The following SGCD variants were observed in gnomAD, a reference collection of about 807,000 sequenced individuals.
SGCD encodes the protein delta-sarcoglycan.
A neutral mutation model predicts 36.6 loss-of-function variants in SGCD; 18 were observed. The ratio of observed to expected loss-of-function variants is 0.49; its 90% CI spans 0.34 to 0.73. The LOEUF is 0.73. SGCD is among the 30% of genes least tolerant of loss of function. The pLI is 0.01. For synonymous variants in SGCD, 133 were observed against 130.6 expected (o/e 1.02, Z -0.12); for missense variants, 387 against 346.7 (o/e 1.12, Z -0.92).
At chr5:155,792,433 C>CAAAAAAAAAAAAAAAAA in the SGCD span, among the ~76,000 whole-genome samples, 2 of 92,354 alleles carry the variant, frequency 2.2e-5, no homozygotes, top group African/African-American at 4.3e-5. Flanking sequence ...TTCTACATAG[C>CAAAAAAAAAAAAAAAAA]AAAAAAAAAA....
chr5:156,502,774 A>G (rs1425438268), intron 3 of SGCD, among the ~76,000 whole-genome samples: 4 of 152,218 alleles, frequency 2.6e-5, no homozygotes. Flanking sequence ...AATAAAGCTC[A>G]TATCAAGGTA....
chr5:156,075,748 A>G (rs1760766779), intron 1 of SGCD, among the ~76,000 whole-genome samples: 1 of 152,204 alleles, frequency 6.6e-6, no homozygotes, highest in African/African-American at 2.4e-5. Context: ...TAAGAACAAT[A>G]CAGAAGTGTT....
At chr5:156,411,658 C>T (rs188153012) in intron 3 of SGCD, among the ~76,000 whole-genome samples, 3 of 152,122 alleles carry the variant, frequency 2.0e-5, no homozygotes, top group African/African-American at 7.2e-5. Flanking sequence ...ATAAGATAAA[C>T]AGTATGAAAA....
the SGCD span, among the ~76,000 whole-genome samples, chr5:155,856,711 A>G: frequency 6.6e-6 from 1 of 152,186 alleles, no homozygotes; most frequent in Non-Finnish European, 1.5e-5. Context: ...ACACTTCACC[A>G]AAAATATATA....
intron 3 of SGCD, among the ~76,000 whole-genome samples, chr5:156,177,877 A>T (rs1763510130): frequency 1.3e-5 from 2 of 152,102 alleles, no homozygotes; most frequent in South Asian, 2.1e-4. Flanking sequence ...GAGAAAATGA[A>T]TTTTTTTAAA....
At chr5:156,347,468 G>C (rs565197981) in intron 3 of SGCD, among the ~76,000 whole-genome samples, 1 of 152,194 alleles carries the variant, frequency 6.6e-6, no homozygotes, top group Non-Finnish European at 1.5e-5. Context: ...CTTCTGGTTG[G>C]ATGTAGGGTT....
chr5:156,557,482 T>C (rs1436703839), intron 4 of SGCD, among the ~76,000 whole-genome samples: 1 of 152,218 alleles, frequency 6.6e-6, no homozygotes. Flanking sequence ...AACTACAGGC[T>C]GTGGACCAAA....
At chr5:155,740,126 C>A in the SGCD span, among the ~76,000 whole-genome samples, 1 of 152,100 alleles carries the variant, frequency 6.6e-6, no homozygotes, top group African/African-American at 2.4e-5. Flanking sequence ...AGAGACAGGG[C>A]CTTGCTCTGT....
At position 156,759,217 on chromosome 5, in the gene SGCD, A is replaced by C; in HGVS notation, c.700A>C (p.Ile234Leu). The change falls in exon 9 of 9, where the codon ATT (isoleucine) becomes CTT (leucine). Residue 234 changes from isoleucine (I) to leucine (L), a missense_variant and splice_region_variant. Physicochemically the swap from Ile to Leu is conservative, Grantham distance 5. Transcript: ENST00000337851. Reference protein sequence around the residue: ...ELRLESKDGEIKLDAAKIRLP... With the variant: ...ELRLESKDGELKLDAAKIRLP... ...TTTCCTTCCTATTCTCTGTCTTTAGATTAAGTTAGATGCTGCGAAAATCAG... is the reference window on the plus strand; with the variant it reads ...TTTCCTTCCTATTCTCTGTCTTTAGCTTAAGTTAGATGCTGCGAAAATCAG... 1 of 1,612,948 alleles carries C rather than the reference A, an allele frequency of 6.2e-7. No homozygotes were observed. The highest frequency in any genetic ancestry group is 8.5e-7 in the Non-Finnish European group (1 of 1,179,076).
chr5:156,708,656 T>TGTTTTA (rs1404279205), intron 7 of SGCD, among the ~76,000 whole-genome samples: 1 of 26,954 alleles, frequency 3.7e-5, no homozygotes, highest in East Asian at 3.6e-3. Flanking sequence ...GCACTACTCT[T>TGTTTTA]CAAATACATT....
At position 156,697,669 on chromosome 5, in the gene SGCD, A is replaced by C. The variant is rs144010347; in HGVS notation, c.575+50133A>C. The stretch of plus-strand genomic sequence containing the variant: ...ATAATTGCCTCCTTACTGGTCTGTG[A>C]GCTTTGTGAAAGCAGGAATCACATT... On this transcript the variant is annotated intron_variant, in intron 7 of 8. Transcript: ENST00000337851. 9.5e-3 allele frequency among the ~76,000 whole-genome samples: 1,448 copies of C among 152,158 alleles called. 12 individuals are homozygous for C. Among genetic ancestry groups the C allele is most frequent in the Non-Finnish European group, 0.014 (962 of 68,006 alleles).
intron 1 of SGCD, among the ~76,000 whole-genome samples, chr5:156,102,190 C>A (rs1378111037): frequency 1.3e-5 from 2 of 151,642 alleles, no homozygotes; most frequent in Admixed American, 6.6e-5. Flanking sequence ...TAAAAAATAT[C>A]ATTGAGGTGT....
intron 4 of SGCD, among the ~76,000 whole-genome samples, chr5:156,580,085 A>G (rs1354049804): frequency 6.6e-6 from 1 of 152,154 alleles, no homozygotes; most frequent in Non-Finnish European, 1.5e-5. Flanking sequence ...TGCTTCCTTC[A>G]GGAGCTCTTG....
intron 3 of SGCD, among the ~76,000 whole-genome samples, chr5:156,315,196 T>C (rs1767484475): frequency 2.0e-5 from 3 of 151,896 alleles, no homozygotes. Context: ...CTTTCACCAA[T>C]ATCTCTCCTT....
the SGCD span, among the ~76,000 whole-genome samples, chr5:155,750,434 T>C: frequency 5.3e-5 from 8 of 152,234 alleles, no homozygotes; most frequent in East Asian, 7.8e-4. Context: ...TTTTCCCTTA[T>C]CTCATAGATA....
Position 156,734,510 on chromosome 5 carries a change from G to A in SGCD, c.576-23071G>A, listed in dbSNP as rs1756246341. Among the ~76,000 whole-genome samples, 3 of 152,018 alleles carry A rather than the reference G, an allele frequency of 2.0e-5. No homozygotes were observed. In the South Asian group the frequency reaches 6.2e-4, roughly 32 times the overall value. ...GCTCCATTCTCCTCATCTTTTTCAG[G>A]TACAACAATCAGTCGTAGATTTGGT... On this transcript the variant is annotated intron_variant, in intron 7 of 8. Coordinates refer to ENST00000337851, the MANE Select transcript of SGCD (RefSeq NM_000337.6).
At chr5:156,190,172 A>T (rs1171160987) in intron 3 of SGCD, among the ~76,000 whole-genome samples, 1 of 152,156 alleles carries the variant, frequency 6.6e-6, no homozygotes, top group Non-Finnish European at 1.5e-5. Flanking sequence ...GTTTTTTCTT[A>T]TAATGTAAAT....
chr5:156,157,355 C>G (rs1465560153), intron 3 of SGCD, among the ~76,000 whole-genome samples: 3 of 151,692 alleles, frequency 2.0e-5, no homozygotes, highest in African/African-American at 7.3e-5. Context: ...TTATAAAATG[C>G]ACCGTAGAAA....
At chr5:156,351,514 T>G (rs1386747745) in intron 3 of SGCD, among the ~76,000 whole-genome samples, 1 of 152,036 alleles carries the variant, frequency 6.6e-6, no homozygotes, top group Non-Finnish European at 1.5e-5. Context: ...CCTCCTAGGA[T>G]TGTTGTAAAG....
Sources: allele counts gnomAD v4.1 joint callset (sites outside exome capture counted in the v4.1 genomes callset), GRCh38; gene constraint gnomAD v4.1.1; transcripts MANE v1.5; gene names NCBI Gene and HGNC (gene_info 2026-07-23, HGNC 2026-07-21).